Variants in CA1 observed in about 807,000 individuals in gnomAD.
CA1 encodes carbonic anhydrase 1, also known as carbonate dehydratase I.
In CA1, 27 loss-of-function variants were observed where a neutral mutation model predicts 28.8. That is an observed-to-expected ratio of 0.94 (90% CI 0.69 to 1.29). CA1 has a LOEUF of 1.29. Ranked by LOEUF, CA1 falls within the 50% of genes most tolerant of loss-of-function variation. The pLI is 0.00. For missense variants in CA1, 335 were observed against 310.5 expected (o/e 1.08, Z -0.59); for synonymous variants, 121 against 108.8 (o/e 1.11, Z -0.70).
At chr8:85,341,550 AAT>A (rs752262121) in intron 2 of CA1, 47 bp downstream of exon 2, 33 of 1,118,828 alleles carry the variant, frequency 2.9e-5, no homozygotes, top group Non-Finnish European at 4.5e-5. Context: ...TTCTGTTGGA[AAT>A]GGGAACAAGT....
At position 85,338,386 on chromosome 8, in the gene CA1, A is replaced by C. The variant is rs781212845; in HGVS notation, c.101T>G (p.Ile34Ser). 1 of 1,614,014 alleles carries C rather than the reference A, an allele frequency of 6.2e-7. No individual in the cohort carries two copies. The highest frequency in any genetic ancestry group is 8.5e-7 in the Non-Finnish European group (1 of 1,179,922). ...ANGNNQSPVD[I>S]KTSETKHDTS... ...GTCATGTTTGGTTTCACTGGTTTTA[A>C]TATCAACAGGGGACTGGTTATTTCC... Residue 34 changes from isoleucine (I) to serine (S), a missense_variant, in exon 3 of 8, where the codon ATT becomes AGT. Transcript: ENST00000523022.
intron 1 of CA1, among the ~76,000 whole-genome samples, chr8:85,345,821 TG>T (rs1244482226): frequency 4.6e-5 from 7 of 152,164 alleles, no homozygotes; most frequent in African/African-American, 9.7e-5. Flanking sequence ...CGTCTGTGTC[TG>T]TCAGTCATTA....
rs755860336 is a variant in CA1 at position 85,336,996 on chromosome 8, T to G, written c.303A>C (p.Thr101=). 6.2e-7 allele frequency: 1 copy of G among 1,613,394 alleles called. No homozygotes were observed. The highest frequency in any genetic ancestry group is 1.1e-5 in the South Asian group (1 of 91,070). ...CTGTATGTTCTGAACCATGCTCATT[T>G]GTACTGCCCCAGTGAAAATGGAACT... ...LFQFHFHWGS[T]NEHGSEHTVD... Residue 101 remains threonine (T), a synonymous_variant, in exon 4 of 8, where the codon ACA becomes ACC. Coordinates refer to ENST00000523022, the MANE Select transcript of CA1 (RefSeq NM_001128831.4).
At chr8:85,335,208 A>G (rs1808598265) in intron 4 of CA1, among the ~76,000 whole-genome samples, 1 of 152,128 alleles carries the variant, frequency 6.6e-6, no homozygotes, top group Admixed American at 6.6e-5. Flanking sequence ...GTGAATAGTC[A>G]TACTGCCATT....
chr8:85,333,839 A>G (rs1808518554), intron 4 of CA1, among the ~76,000 whole-genome samples: 1 of 152,216 alleles, frequency 6.6e-6, no homozygotes, highest in Non-Finnish European at 1.5e-5. Flanking sequence ...CAGTAAGCAA[A>G]ATGTCCTTTC....
chr8:85,346,686 C>T (rs1237240077), intron 1 of CA1, among the ~76,000 whole-genome samples: 1 of 152,054 alleles, frequency 6.6e-6, no homozygotes, highest in Admixed American at 6.6e-5. Flanking sequence ...CGCTTGAACC[C>T]GGGAGCCAGA....
Position 85,348,246 on chromosome 8 carries a change from AT to A in CA1, c.-24-6588del, listed in dbSNP as rs537466955. ...ACTAGTACCTAACTCCAGTGAATAA[AT>A]TTTTTTTCATTCATTTTTTGTGATA... is the stretch of plus-strand genomic sequence containing the variant. On this transcript the variant is annotated intron_variant, in intron 1 of 7. Coordinates refer to ENST00000523022, the MANE Select transcript of CA1 (RefSeq NM_001128831.4). Among the ~76,000 whole-genome samples, 529 of 152,094 alleles carry A rather than the reference AT, an allele frequency of 3.5e-3. 1 individual carries two copies. The highest frequency in any genetic ancestry group is 9.0e-3 in the Admixed American group (138 of 15,270).
intron 6 of CA1, among the ~76,000 whole-genome samples, chr8:85,332,196 A>G (rs1161036312): frequency 6.6e-6 from 1 of 152,186 alleles, no homozygotes; most frequent in African/African-American, 2.4e-5. Context: ...GAAAATCACA[A>G]TTTTGTTAGA....
At position 85,328,203 on chromosome 8, in the gene CA1, T is replaced by C. The variant is rs1808249164; in HGVS notation, c.*357A>G. On this transcript the variant is annotated 3_prime_UTR_variant, in exon 8 of 8. Transcript: ENST00000523022. ...GTAAATGGAGTAGAAACTTAATGGT[T>C]TTAGAAACTGAATGCACAACAGAAA... is the stretch of plus-strand genomic sequence containing the variant. 5.9e-6 allele frequency: 1 copy of C among 169,188 alleles called. No individual in the cohort carries two copies. Among genetic ancestry groups the C allele is most frequent in the Non-Finnish European group, 1.3e-5 (1 of 78,940 alleles). The allele number at this position is 169,188 out of a possible 1,614,324, so 10.5% of individuals were successfully genotyped here. A position where few individuals can be genotyped will look rare whatever the true frequency, so the allele number is the denominator to read the frequency against.
intron 1 of CA1, among the ~76,000 whole-genome samples, chr8:85,372,213 G>A (rs749220579): frequency 3.3e-5 from 5 of 152,078 alleles, no homozygotes; most frequent in Non-Finnish European, 5.9e-5. Flanking sequence ...GCACAGAGAA[G>A]ACCCAGGTTT....
chr8:85,370,138 AG>A (rs1259626870), intron 1 of CA1, among the ~76,000 whole-genome samples: 1 of 152,240 alleles, frequency 6.6e-6, no homozygotes, highest in Non-Finnish European at 1.5e-5. Context: ...GGACTGTTCT[AG>A]AGAACTAGTG....
At chr8:85,330,231 G>C (rs530758387) in intron 6 of CA1, among the ~76,000 whole-genome samples, 3 of 151,966 alleles carry the variant, frequency 2.0e-5, no homozygotes, top group Non-Finnish European at 4.4e-5. Context: ...AATCTTTATT[G>C]ACATGCATAT....
At chr8:85,345,802 G>T (rs939461538) in intron 1 of CA1, among the ~76,000 whole-genome samples, 1 of 152,136 alleles carries the variant, frequency 6.6e-6, no homozygotes, top group Non-Finnish European at 1.5e-5. Context: ...TGGGAGGAAT[G>T]AAGTGACCCG....
intron 7 of CA1, 58 bp from the exon 8 acceptor site, chr8:85,328,734 A>T: frequency 9.5e-7 from 1 of 1,051,398 alleles, no homozygotes; most frequent in African/African-American, 1.6e-5. Flanking sequence ...AAAGCGTTTT[A>T]TTTACAGGAT....
rs558871351 is a variant in CA1 at position 85,374,542 on chromosome 8, G to A, written c.-25+3504C>T. ...TGTAACATATGATGTGGTTTTAATC[G>A]TACGTAAGACATTATCAGATACATT... On this transcript the variant is annotated intron_variant, in intron 1 of 7. Transcript: ENST00000523022. 1.4e-4 allele frequency among the ~76,000 whole-genome samples: 22 copies of A among 152,138 alleles called. No homozygotes were observed. In the South Asian group the frequency reaches 3.7e-3, roughly 26 times the overall value.
At position 85,344,091 on chromosome 8, in the gene CA1, A is replaced by G. The variant is rs961032264; in HGVS notation, c.-24-2432T>C. ...TCTTCTAAACTAAAAGTATATATAT[A>G]TATATATACTTTTAAATTTTATATA... On this transcript the variant is annotated intron_variant, in intron 1 of 7. Transcript: ENST00000523022. Among the ~76,000 whole-genome samples the G allele has an allele frequency of 4.3e-5, 6 of 140,618 alleles. 1 individual carries two copies. The highest frequency in any genetic ancestry group is 1.0e-4 in the African/African-American group (4 of 38,752). The allele number at this position is 140,618 out of a possible 152,430, so 92.3% of individuals were successfully genotyped here.
intron 1 of CA1, among the ~76,000 whole-genome samples, chr8:85,362,880 A>T (rs968040466): frequency 6.6e-6 from 1 of 152,204 alleles, no homozygotes; most frequent in Non-Finnish European, 1.5e-5. Flanking sequence ...TTAGCAATAG[A>T]TACCTGAGAA....
At chr8:85,348,225 G>A (rs1033769676) in intron 1 of CA1, among the ~76,000 whole-genome samples, 4 of 152,048 alleles carry the variant, frequency 2.6e-5, no homozygotes, top group African/African-American at 4.8e-5. Context: ...GCTTTTACTA[G>A]TACCTAACTC....
At chr8:85,333,461 T>C in intron 5 of CA1, 64 bp downstream of exon 5, 3 of 997,358 alleles carry the variant, frequency 3.0e-6, no homozygotes, top group Non-Finnish European at 4.8e-6. Context: ...CCTTATTTCC[T>C]TCTATTTTGA....
Sources: gnomAD v4.1 joint callset for allele counts (sites outside exome capture counted in the v4.1 genomes callset) on GRCh38, gnomAD v4.1.1 for gene constraint, MANE v1.5 for transcripts, NCBI Gene and HGNC (gene_info 2026-07-23, HGNC 2026-07-21) for gene names.